Variants in ABTB3 observed in about 807,000 individuals in gnomAD.
ABTB3 encodes ankyrin repeat and BTB domain containing 3.
the ABTB3 span, among the ~76,000 whole-genome samples, chr12:107,331,531 A>G: frequency 1.5e-4 from 23 of 152,276 alleles, no homozygotes; most frequent in South Asian, 4.6e-3. Flanking sequence ...CGGGGACACC[A>G]GGCATTCAGA....
the ABTB3 span, among the ~76,000 whole-genome samples, chr12:107,609,518 C>T: frequency 7.9e-5 from 12 of 152,180 alleles, no homozygotes; most frequent in African/African-American, 2.9e-4. Context: ...CCTGCGACTG[C>T]GACTGTTTCG....
chr12:107,621,995 C>T, the ABTB3 span, among the ~76,000 whole-genome samples: 3 of 152,138 alleles, frequency 2.0e-5, no homozygotes, highest in Non-Finnish European at 2.9e-5. Context: ...AATCCCAGCA[C>T]TTTGGGAGGC....
At chr12:107,506,783 T>C in the ABTB3 span, among the ~76,000 whole-genome samples, 2 of 152,312 alleles carry the variant, frequency 1.3e-5, no homozygotes, top group South Asian at 2.1e-4. Flanking sequence ...TTATCCCCTG[T>C]AGAACCTGCA....
At chr12:107,555,170 T>C in the ABTB3 span, among the ~76,000 whole-genome samples, 2 of 152,174 alleles carry the variant, frequency 1.3e-5, no homozygotes, top group Non-Finnish European at 2.9e-5. Flanking sequence ...TCCTCTAACA[T>C]GGCTCAGGAA....
At chr12:107,606,871 G>T in the ABTB3 span, among the ~76,000 whole-genome samples, 3 of 152,102 alleles carry the variant, frequency 2.0e-5, no homozygotes, top group African/African-American at 7.2e-5. Context: ...ACCCAGACCC[G>T]TGCGCACCTC....
At chr12:107,400,369 G>C in the ABTB3 span, among the ~76,000 whole-genome samples, 1 of 152,190 alleles carries the variant, frequency 6.6e-6, no homozygotes, top group African/African-American at 2.4e-5. Flanking sequence ...TGATTGAGTA[G>C]CTCTAGGTGG....
chr12:107,520,307 G>T, the ABTB3 span: 1 of 979,870 alleles, frequency 1.0e-6, no homozygotes, highest in Non-Finnish European at 1.2e-6. Context: ...AGAGACCTTT[G>T]CAAATAGCTG....
the ABTB3 span, among the ~76,000 whole-genome samples, chr12:107,583,012 G>A: frequency 6.6e-6 from 1 of 152,144 alleles, no homozygotes; most frequent in African/African-American, 2.4e-5. Context: ...TAGGAGCCTG[G>A]GCTCCAGGGT....
the ABTB3 span, among the ~76,000 whole-genome samples, chr12:107,644,990 T>TTTTTTTTTA: frequency 1.4e-5 from 2 of 143,748 alleles, no homozygotes; most frequent in African/African-American, 5.2e-5. Flanking sequence ...TTTTTTTTTT[T>TTTTTTTTTA]GAGAAGAGTT....
the ABTB3 span, among the ~76,000 whole-genome samples, chr12:107,372,310 A>G: frequency 6.6e-6 from 1 of 152,210 alleles, no homozygotes; most frequent in Non-Finnish European, 1.5e-5. Context: ...CCAAGCAACA[A>G]TTACAGAATA....
At chr12:107,632,486 C>T in the ABTB3 span, among the ~76,000 whole-genome samples, 1 of 152,300 alleles carries the variant, frequency 6.6e-6, no homozygotes, top group Middle Eastern at 3.4e-3. Flanking sequence ...GTACTTACCA[C>T]GTGTCCACTA....
chr12:107,528,835 ATGATGGTGATGG>A, the ABTB3 span, among the ~76,000 whole-genome samples: 4 of 151,024 alleles, frequency 2.6e-5, no homozygotes, highest in South Asian at 8.3e-4. Context: ...CATGGTGATG[ATGATGGTGATGG>A]TGATGATGAT....
At chr12:107,462,082 A>G in the ABTB3 span, among the ~76,000 whole-genome samples, 2 of 152,198 alleles carry the variant, frequency 1.3e-5, no homozygotes, top group South Asian at 2.1e-4. Flanking sequence ...TGAGACTTCA[A>G]TCAGCCTCAG....
chr12:107,581,251 C>T, the ABTB3 span: 1 of 1,517,660 alleles, frequency 6.6e-7, no homozygotes, highest in Admixed American at 2.0e-5. Context: ...ACGACGTCCG[C>T]CAGGCGGCCC....
At chr12:107,644,538 A>G in the ABTB3 span, among the ~76,000 whole-genome samples, 3 of 152,184 alleles carry the variant, frequency 2.0e-5, no homozygotes, top group Non-Finnish European at 2.9e-5. Context: ...GTGCTTGTTA[A>G]AACACAGAGA....
the ABTB3 span, among the ~76,000 whole-genome samples, chr12:107,405,835 G>A: frequency 6.6e-6 from 1 of 152,218 alleles, no homozygotes; most frequent in Admixed American, 6.5e-5. Context: ...TGAGCCAGGC[G>A]ATTGGAGACC....
chr12:107,583,540 G>A, the ABTB3 span, among the ~76,000 whole-genome samples: 1 of 152,120 alleles, frequency 6.6e-6, no homozygotes, highest in Non-Finnish European at 1.5e-5. Context: ...TCTCACCCTA[G>A]ACCTAGACAA....
the ABTB3 span, among the ~76,000 whole-genome samples, chr12:107,600,046 G>A: frequency 6.6e-6 from 1 of 152,204 alleles, no homozygotes; most frequent in Non-Finnish European, 1.5e-5. Flanking sequence ...GATCTGGGTT[G>A]AAATTGAAGT....
the ABTB3 span, among the ~76,000 whole-genome samples, chr12:107,495,948 T>C: frequency 9.3e-4 from 142 of 152,298 alleles, no homozygotes; most frequent in Non-Finnish European, 1.6e-3. Flanking sequence ...GAAAGTTAAC[T>C]GTAGAATGAT....
Sources: gnomAD v4.1 joint callset for allele counts (sites outside exome capture counted in the v4.1 genomes callset) on GRCh38, gnomAD v4.1.1 for gene constraint, MANE v1.5 for transcripts, NCBI Gene and HGNC (gene_info 2026-07-23, HGNC 2026-07-21) for gene names.